The following SLC30A9 variants were observed in gnomAD, a reference collection of about 807,000 sequenced individuals.
The protein encoded by SLC30A9 is proton-coupled zinc antiporter SLC30A9, mitochondrial.
A neutral mutation model predicts 87.5 loss-of-function variants in SLC30A9; 58 were observed. That is an observed-to-expected ratio of 0.66 (90% CI 0.54 to 0.82). SLC30A9 has a LOEUF of 0.82. SLC30A9 is among the 40% of genes least tolerant of loss of function. The probability of loss-of-function intolerance (pLI) is 0.00; values close to 1 mark genes in which losing one functional copy is unlikely to be tolerated. For synonymous variants in SLC30A9, 234 were observed against 233.0 expected, an observed-to-expected ratio of 1.00 and a Z score of -0.04; for missense variants, 557 against 679.1, an observed-to-expected ratio of 0.82 and a Z score of 2.00.
intron 7 of SLC30A9, among the ~76,000 whole-genome samples, chr4:42,037,486 G>A (rs1357912365): frequency 6.6e-6 from 1 of 151,644 alleles, no homozygotes; most frequent in East Asian, 1.9e-4. Context: ...TCAGAGAATT[G>A]GAAGTACCTT....
chr4:42,003,169 A>G (rs1158883751), intron 2 of SLC30A9, among the ~76,000 whole-genome samples: 1 of 152,116 alleles, frequency 6.6e-6, no homozygotes, highest in African/African-American at 2.4e-5. Context: ...TTTTGTATTT[A>G]ATGTATTTCA....
Position 42,062,508 on chromosome 4 carries a change from T to A in SLC30A9, c.897-478T>A, listed in dbSNP as rs11937654. Among the ~76,000 whole-genome samples the A allele has an allele frequency of 4.2e-3, 635 of 152,280 alleles. 6 individuals are homozygous for A. Among genetic ancestry groups the A allele is most frequent in the African/African-American group, 0.014 (591 of 41,554 alleles). On this transcript the variant is annotated intron_variant, in intron 10 of 17. Coordinates refer to ENST00000264451, the MANE Select transcript of SLC30A9 (RefSeq NM_006345.4). ...TGAAAGTTGCTGTGTGCTAACCTAT[T>A]CAGAACCAGCAATAAATTATGTGTT...
At position 42,088,910 on chromosome 4, in the gene SLC30A9, C is replaced by T. The variant is rs1201360695; in HGVS notation, c.*2784C>T. 1 of 152,110 alleles carries T rather than the reference C, an allele frequency of 6.6e-6. No homozygotes were observed. Among genetic ancestry groups the T allele is most frequent in the Admixed American group, 6.5e-5 (1 of 15,274 alleles). The allele number at this position is 152,110 out of a possible 1,614,324, so 9.4% of individuals were successfully genotyped here. ...ATGAGCTATGATCATGCCACTCCAG[C>T]CTGAATGACAGAGTGAGATCCTGTC... On this transcript the variant is annotated 3_prime_UTR_variant, in exon 18 of 18. Coordinates refer to ENST00000264451, the MANE Select transcript of SLC30A9 (RefSeq NM_006345.4).
At chr4:42,034,647 A>G (rs546208792) in intron 6 of SLC30A9, among the ~76,000 whole-genome samples, 1 of 152,316 alleles carries the variant, frequency 6.6e-6, no homozygotes, top group South Asian at 2.1e-4. Context: ...ATATGTATAT[A>G]CCACATTTTG....
chr4:42,031,144 C>G (rs189695922), intron 6 of SLC30A9, among the ~76,000 whole-genome samples: 173 of 152,096 alleles, frequency 1.1e-3, no homozygotes, highest in Non-Finnish European at 2.1e-3. Flanking sequence ...ACTCCATAGA[C>G]TGGTGTAAAA....
chr4:41,998,554 C>T (rs992508670), intron 1 of SLC30A9, among the ~76,000 whole-genome samples: 18 of 151,980 alleles, frequency 1.2e-4, no homozygotes, highest in Admixed American at 7.2e-4. Context: ...ACCTCCGCCT[C>T]CCGGGTTCAA....
At chr4:41,991,980 A>G (rs564822803) in intron 1 of SLC30A9, among the ~76,000 whole-genome samples, 3 of 150,380 alleles carry the variant, frequency 2.0e-5, no homozygotes, top group African/African-American at 7.5e-5. Context: ...TAGTGATAGA[A>G]AAGTGTAACT....
intron 1 of SLC30A9, among the ~76,000 whole-genome samples, chr4:42,000,398 T>C (rs1468714804): frequency 6.6e-6 from 1 of 152,112 alleles, no homozygotes; most frequent in Non-Finnish European, 1.5e-5. Flanking sequence ...TAATTATTTT[T>C]GCTAGTAGGC....
intron 8 of SLC30A9, among the ~76,000 whole-genome samples, chr4:42,043,061 C>A (rs1262963441): frequency 6.6e-6 from 1 of 152,116 alleles, no homozygotes; most frequent in African/African-American, 2.4e-5. Flanking sequence ...CACACAAAAA[C>A]CCCATCCAAA....
chr4:41,999,771 A>C (rs4540084), intron 1 of SLC30A9, among the ~76,000 whole-genome samples: 96,828 of 151,972 alleles, frequency 0.64, 35,585 homozygotes, highest in East Asian at 0.96. Context: ...GGATCTATTC[A>C]CATAGAAACT....
intron 2 of SLC30A9, among the ~76,000 whole-genome samples, chr4:42,006,717 G>A (rs993264915): frequency 2.0e-5 from 3 of 151,710 alleles, no homozygotes; most frequent in African/African-American, 4.9e-5. Flanking sequence ...AGGTATGGAT[G>A]TGTGGTGAAT....
chr4:42,018,593 G>T, intron 3 of SLC30A9: 1 of 318,468 alleles, frequency 3.1e-6, no homozygotes, highest in Non-Finnish European at 5.3e-6. Context: ...ATAACAAGCT[G>T]TGGTTCCCAT....
chr4:42,080,695 C>T (rs1293571116), intron 17 of SLC30A9, among the ~76,000 whole-genome samples: 1 of 152,202 alleles, frequency 6.6e-6, no homozygotes, highest in Non-Finnish European at 1.5e-5. Flanking sequence ...CAAAGACACT[C>T]TTAGGCAGGA....
intron 9 of SLC30A9, among the ~76,000 whole-genome samples, chr4:42,050,425 G>A (rs933415727): frequency 6.6e-5 from 10 of 152,266 alleles, no homozygotes; most frequent in South Asian, 2.1e-4. Context: ...TAAGCTTATC[G>A]AGGAAAGTTG....
intron 1 of SLC30A9, among the ~76,000 whole-genome samples, chr4:42,000,234 G>GAA (rs11404931): frequency 2.0e-5 from 3 of 151,618 alleles, no homozygotes; most frequent in South Asian, 2.1e-4. Flanking sequence ...ATCAGTGTAT[G>GAA]AAAAAAAAGT....
intron 7 of SLC30A9, among the ~76,000 whole-genome samples, chr4:42,038,389 C>T (rs886621188): frequency 1.3e-5 from 2 of 152,108 alleles, no homozygotes; most frequent in Non-Finnish European, 1.5e-5. Flanking sequence ...TCTTATTTTT[C>T]ACCGTAAGCA....
At position 42,001,800 on chromosome 4, in the gene SLC30A9, T is replaced by A; in HGVS notation, c.274+20T>A. 1 of 1,572,708 alleles carries A rather than the reference T, an allele frequency of 6.4e-7. No homozygotes were observed. The highest frequency in any genetic ancestry group is 1.4e-5 in the African/African-American group (1 of 73,054). On this transcript the variant is annotated intron_variant, in intron 2 of 17. Transcript: ENST00000264451. ...AAACAGGTATGTGTAATTTTTTTAA[T>A]GTACTTTTTTCTGTATACTGGAATA...
chr4:42,043,972 C>T (rs542601358), intron 8 of SLC30A9, among the ~76,000 whole-genome samples: 60 of 152,244 alleles, frequency 3.9e-4, no homozygotes, highest in African/African-American at 1.4e-3. Context: ...CCAAACTAAG[C>T]TTCATAAGCG....
chr4:42,014,463 A>G (rs910788585), intron 2 of SLC30A9, among the ~76,000 whole-genome samples: 3 of 151,858 alleles, frequency 2.0e-5, no homozygotes, highest in African/African-American at 7.2e-5. Context: ...AGGCTGAGGC[A>G]GGAGAATTGC....
Sources: allele counts gnomAD v4.1 joint callset (sites outside exome capture counted in the v4.1 genomes callset), GRCh38; gene constraint gnomAD v4.1.1; transcripts MANE v1.5; gene names NCBI Gene and HGNC (gene_info 2026-07-23, HGNC 2026-07-21).